Variants in RSRC1 observed in about 807,000 individuals in gnomAD.
RSRC1 encodes the protein serine/Arginine-related protein 53.
In RSRC1, 39 loss-of-function variants were observed where a neutral mutation model predicts 49.1. The observed-to-expected ratio is 0.79, with a 90% confidence interval of 0.61 to 1.04. RSRC1 has a LOEUF of 1.04. Ranked by LOEUF, RSRC1 falls within the 50% of genes least tolerant of loss-of-function variation. The pLI, the probability that RSRC1 is intolerant of heterozygous loss-of-function variation, is 0.00. For missense variants in RSRC1, 388 were observed against 402.4 expected, an observed-to-expected ratio of 0.96 and a Z score of 0.31; for synonymous variants, 143 against 130.8, an observed-to-expected ratio of 1.09 and a Z score of -0.63.
At chr3:158,133,546 AT>A (rs1166613817) in intron 3 of RSRC1, among the ~76,000 whole-genome samples, 1 of 152,240 alleles carries the variant, frequency 6.6e-6, no homozygotes, top group Non-Finnish European at 1.5e-5. Flanking sequence ...TTTACTGAGC[AT>A]TTGCTTAATA....
At chr3:158,166,205 TGTA>T (rs1269200423) in intron 3 of RSRC1, among the ~76,000 whole-genome samples, 2 of 152,182 alleles carry the variant, frequency 1.3e-5, no homozygotes, top group South Asian at 2.1e-4. Context: ...ATATTAGTAA[TGTA>T]GTGCTTTTAT....
At chr3:158,263,160 A>G (rs1295496864) in intron 4 of RSRC1, among the ~76,000 whole-genome samples, 2 of 152,108 alleles carry the variant, frequency 1.3e-5, no homozygotes, top group African/African-American at 4.8e-5. Flanking sequence ...TTATCAAGAT[A>G]ATTTTAGTAG....
intron 6 of RSRC1, among the ~76,000 whole-genome samples, chr3:158,437,313 A>C (rs964568368): frequency 6.6e-6 from 1 of 152,094 alleles, no homozygotes; most frequent in Non-Finnish European, 1.5e-5. Flanking sequence ...AAAATTGAAA[A>C]TGGTTTAATA....
chr3:158,448,543 T>G (rs1181266555), intron 6 of RSRC1, among the ~76,000 whole-genome samples: 1 of 151,984 alleles, frequency 6.6e-6, no homozygotes, highest in Non-Finnish European at 1.5e-5. Flanking sequence ...AAATTTTAAT[T>G]GAATTTGTTG....
intron 7 of RSRC1, among the ~76,000 whole-genome samples, chr3:158,487,579 C>G (rs1738864201): frequency 1.3e-5 from 2 of 152,056 alleles, no homozygotes. Context: ...TTAAAGATCA[C>G]TTGAGGAAGG....
intron 4 of RSRC1, among the ~76,000 whole-genome samples, chr3:158,220,205 A>C (rs577257286): frequency 6.6e-6 from 1 of 151,812 alleles, no homozygotes; most frequent in African/African-American, 2.4e-5. Flanking sequence ...AATCGTAGAT[A>C]GGGAAGTCAT....
rs57884087 is a variant in RSRC1 at position 158,422,070 on chromosome 3, TTTATTA to T, written c.584-38848_584-38843del. ...TCGGGAGAAGTTTCAGTTTTTCTTT[TTTATTA>T]TTATTATTATTATTATACTTTAAGT... On this transcript the variant is annotated intron_variant, in intron 6 of 9. Coordinates refer to ENST00000611884, the MANE Select transcript of RSRC1 (RefSeq NM_001271838.2). 4.0e-4 allele frequency among the ~76,000 whole-genome samples: 60 copies of T among 149,934 alleles called. 1 individual carries two copies. The highest frequency in any genetic ancestry group is 1.2e-3 in the African/African-American group (51 of 40,892).
At chr3:158,276,236 A>G (rs1445453768) in intron 4 of RSRC1, 1 of 773,626 alleles carries the variant, frequency 1.3e-6, no homozygotes, top group African/African-American at 1.7e-5. Flanking sequence ...TACGAATCCT[A>G]TATATAATGT....
rs556717760 is a variant in RSRC1 at position 158,263,935 on chromosome 3, T to C, written c.495-34104T>C. Reference sequence around the variant, plus strand: ...ATTTGTTGTTACTGCTTTTTTCTCATTAGTTTGGCTAGAAATTTGTCAGTT... The same window carrying C: ...ATTTGTTGTTACTGCTTTTTTCTCACTAGTTTGGCTAGAAATTTGTCAGTT... On this transcript the variant is annotated intron_variant, in intron 4 of 9. Coordinates refer to ENST00000611884, the MANE Select transcript of RSRC1 (RefSeq NM_001271838.2). Among the ~76,000 whole-genome samples, 10 of 152,318 alleles carry C rather than the reference T, an allele frequency of 6.6e-5. No individual in the cohort carries two copies. The South Asian group carries it at 2.1e-3, about 32-fold the overall frequency.
Position 158,511,034 on chromosome 3 carries a change from A to T in RSRC1, c.653-26058A>T, listed in dbSNP as rs187163936. ...GAGCATGGTATAGCTCTGCATATTT[A>T]TTTAGGTTTTCTTTAGTATCTGTTA... On this transcript the variant is annotated intron_variant, in intron 7 of 9. Coordinates refer to ENST00000611884, the MANE Select transcript of RSRC1 (RefSeq NM_001271838.2). 8.3e-3 allele frequency among the ~76,000 whole-genome samples: 1,257 copies of T among 151,964 alleles called. 8 individuals are homozygous for T. Among genetic ancestry groups the T allele is most frequent in the Non-Finnish European group, 0.013 (914 of 67,940 alleles).
chr3:158,196,883 C>T (rs1720656573), intron 3 of RSRC1, among the ~76,000 whole-genome samples: 1 of 152,072 alleles, frequency 6.6e-6, no homozygotes, highest in Non-Finnish European at 1.5e-5. Context: ...CTTTTTGATG[C>T]ACTGCTGGAT....
intron 7 of RSRC1, among the ~76,000 whole-genome samples, chr3:158,475,991 A>C (rs1268440108): frequency 6.6e-6 from 1 of 152,176 alleles, no homozygotes; most frequent in African/African-American, 2.4e-5. Flanking sequence ...TCTTGATTGA[A>C]AGTAAAGGGC....
chr3:158,163,184 G>A (rs759575788), intron 3 of RSRC1, among the ~76,000 whole-genome samples: 10 of 152,050 alleles, frequency 6.6e-5, no homozygotes, highest in Non-Finnish European at 1.3e-4. Context: ...TATATTTTTA[G>A]TAGAGATGGG....
chr3:158,451,117 A>G (rs1241602304), intron 6 of RSRC1, among the ~76,000 whole-genome samples: 1 of 151,878 alleles, frequency 6.6e-6, no homozygotes, highest in Non-Finnish European at 1.5e-5. Context: ...AGTCCAGAAT[A>G]ATATTATTTG....
At chr3:158,339,295 T>C (rs1578359471) in intron 5 of RSRC1, among the ~76,000 whole-genome samples, 2 of 84,466 alleles carry the variant, frequency 2.4e-5, no homozygotes. Flanking sequence ...CGAGACTCCG[T>C]CTCAAAAAAA....
chr3:158,237,379 T>C (rs1180507656), intron 4 of RSRC1, among the ~76,000 whole-genome samples: 1 of 152,178 alleles, frequency 6.6e-6, no homozygotes, highest in African/African-American at 2.4e-5. Flanking sequence ...GTGGGTTTGA[T>C]AGTAAAGGTA....
At chr3:158,438,172 C>T (rs148154337) in intron 6 of RSRC1, among the ~76,000 whole-genome samples, 10 of 152,012 alleles carry the variant, frequency 6.6e-5, no homozygotes, top group Admixed American at 2.6e-4. Flanking sequence ...TAAGAGAGGA[C>T]ACAAACCAGT....
chr3:158,287,697 A>T (rs913352202), intron 4 of RSRC1, among the ~76,000 whole-genome samples: 4 of 152,228 alleles, frequency 2.6e-5, no homozygotes, highest in African/African-American at 9.6e-5. Flanking sequence ...AATTTAAGCT[A>T]TATAACAAGT....
At chr3:158,263,804 G>T (rs1266435743) in intron 4 of RSRC1, among the ~76,000 whole-genome samples, 1 of 152,032 alleles carries the variant, frequency 6.6e-6, no homozygotes, top group East Asian at 1.9e-4. Flanking sequence ...TGTTACCTAA[G>T]GTGTTGAATT....
Sources: allele counts gnomAD v4.1 joint callset (sites outside exome capture counted in the v4.1 genomes callset), GRCh38; gene constraint gnomAD v4.1.1; transcripts MANE v1.5; gene names NCBI Gene and HGNC (gene_info 2026-07-23, HGNC 2026-07-21).